The following CTTN variants were observed in gnomAD, a reference collection of about 807,000 sequenced individuals.
CTTN encodes the protein src substrate cortactin.
In CTTN, 28 loss-of-function variants were observed where a neutral mutation model predicts 84.0. The observed-to-expected ratio is 0.33, with a 90% CI of 0.25 to 0.46. The LOEUF (loss-of-function observed/expected upper bound fraction) is 0.46. Among genes scored for constraint, CTTN ranks in the 20% least tolerant of loss-of-function variants. The probability of loss-of-function intolerance (pLI) is 1.00; values close to 1 mark genes in which losing one functional copy is unlikely to be tolerated. For synonymous variants in CTTN, 301 were observed against 288.8 expected (o/e 1.04, Z -0.43); for missense variants, 641 against 723.8 (o/e 0.89, Z 1.31).
chr11:70,407,650 A>C (rs2058057829), intron 4 of CTTN, 59 bp downstream of exon 4: 3 of 1,521,204 alleles, frequency 2.0e-6, no homozygotes, highest in South Asian at 2.2e-5. Context: ...CCCCAGGTGC[A>C]ACAGGGCCCA....
chr11:70,409,332 G>C (rs2058075597), intron 4 of CTTN, among the ~76,000 whole-genome samples: 1 of 152,128 alleles, frequency 6.6e-6, no homozygotes, highest in African/African-American at 2.4e-5. Flanking sequence ...ATGGCATTTA[G>C]ATGTTAAATT....
intron 12 of CTTN, among the ~76,000 whole-genome samples, chr11:70,423,342 C>G (rs1307392118): frequency 3.9e-5 from 6 of 152,216 alleles, no homozygotes; most frequent in Non-Finnish European, 8.8e-5. Flanking sequence ...CAGATTGGAA[C>G]CTGAGTGTGT....
intron 15 of CTTN, among the ~76,000 whole-genome samples, chr11:70,432,100 C>T (rs1355617249): frequency 2.6e-5 from 4 of 152,152 alleles, no homozygotes; most frequent in Admixed American, 1.3e-4. Flanking sequence ...ATCTGGGCCT[C>T]GATGGCCGTG....
chr11:70,404,199 T>G (rs1461200790), intron 1 of CTTN, among the ~76,000 whole-genome samples: 1 of 152,140 alleles, frequency 6.6e-6, no homozygotes, highest in East Asian at 1.9e-4. Context: ...GATAGGAAAT[T>G]AATTAATTAC....
At position 70,436,425 on chromosome 11, in the gene CTTN, T is replaced by G. The variant is rs1479076050; in HGVS notation, c.*1263T>G. 1 of 1,596,074 alleles carries G rather than the reference T, an allele frequency of 6.3e-7. No homozygotes were observed. The highest frequency in any genetic ancestry group is 8.5e-7 in the Non-Finnish European group (1 of 1,178,530). ...TGCCCGTGAAGCGTGTTTTTGCTCC[T>G]GAGGTGCATTTTCTCATCATCCTTG... On this transcript the variant is annotated 3_prime_UTR_variant, in exon 18 of 18. Coordinates refer to ENST00000301843, the MANE Select transcript of CTTN (RefSeq NM_005231.4).
At position 70,422,972 on chromosome 11, in the gene CTTN, G is replaced by C. The variant is rs1448464194; in HGVS notation, c.934G>C (p.Val312Leu). 6.2e-7 allele frequency: 1 copy of C among 1,614,056 alleles called. No homozygotes were observed. The highest frequency in any genetic ancestry group is 1.7e-5 in the Admixed American group (1 of 60,014). Residue 312 changes from valine (V) to leucine (L), a missense_variant, in exon 12 of 18, where the codon GTG (valine) becomes CTG (leucine). Physicochemically the swap from Val to Leu is conservative, Grantham distance 32. Around this residue, in one of 3 missense-constraint regions of CTTN, gnomAD observed 289 missense variants for 273.1 expected, o/e 1.06. Transcript: ENST00000301843. ...CAAAGGATTCGGCGGGAAGTATGGGGTGCAGAAGGATCGGATGGATAAGGT... is the reference window on the plus strand; with the variant it reads ...CAAAGGATTCGGCGGGAAGTATGGGCTGCAGAAGGATCGGATGGATAAGGT... ...YSKGFGGKYG[V>L]QKDRMDKNAS...
intron 1 of CTTN, among the ~76,000 whole-genome samples, chr11:70,403,671 A>C (rs1283410012): frequency 6.6e-6 from 1 of 152,126 alleles, no homozygotes; most frequent in Non-Finnish European, 1.5e-5. Flanking sequence ...ACACCCTTTT[A>C]GGATTTTAGT....
In CTTN at chr11:70,407,601, G is replaced by A. The variant is rs560054370; in HGVS notation, c.161+10G>A. 75 of 1,612,460 alleles carry A rather than the reference G, an allele frequency of 4.7e-5. No individual in the cohort carries two copies. The highest frequency in any genetic ancestry group is 1.3e-4 in the African/African-American group (10 of 75,004). On this transcript the variant is annotated intron_variant, in intron 4 of 17. Transcript: ENST00000301843. ...ACCAGGAGCATATCAAGTAAGAGGC[G>A]TCGCCACCACCCTCCCGAGGGCCCC...
intron 14 of CTTN, 115 bp from the exon 15 acceptor site, chr11:70,431,076 C>G (rs2058348669): frequency 4.6e-6 from 5 of 1,085,684 alleles, no homozygotes; most frequent in Non-Finnish European, 7.0e-6. Flanking sequence ...GGGTGTTTTC[C>G]ACTCCTTTCC....
intron 17 of CTTN, 95 bp from the exon 18 acceptor site, chr11:70,434,931 A>G (rs2058397912): frequency 7.3e-7 from 1 of 1,360,728 alleles, no homozygotes; most frequent in African/African-American, 1.4e-5. Context: ...ATCTCTGAGC[A>G]GGCTGCCTGG....
At chr11:70,426,423 AAAAG>A (rs1251424934) in intron 13 of CTTN, among the ~76,000 whole-genome samples, 18 of 151,838 alleles carry the variant, frequency 1.2e-4, no homozygotes, top group East Asian at 3.9e-4. Context: ...AAAAAAAAAA[AAAAG>A]AGAGAGAGGA....
chr11:70,418,965 C>T (rs1198533079), intron 8 of CTTN, among the ~76,000 whole-genome samples: 4 of 150,908 alleles, frequency 2.7e-5, no homozygotes, highest in South Asian at 2.1e-4. Flanking sequence ...TTAGTAGAGG[C>T]GGGGTTTCAC....
chr11:70,404,671 T>G (rs2058022906), intron 1 of CTTN, among the ~76,000 whole-genome samples: 1 of 152,244 alleles, frequency 6.6e-6, no homozygotes, highest in Non-Finnish European at 1.5e-5. Context: ...AAATGCATAC[T>G]AGCAATTAAG....
intron 8 of CTTN, among the ~76,000 whole-genome samples, chr11:70,419,259 G>A (rs2058200874): frequency 6.6e-6 from 1 of 150,956 alleles, no homozygotes; most frequent in Admixed American, 6.6e-5. Flanking sequence ...TACAGGTGTG[G>A]GCCACCACGC....
In CTTN at chr11:70,407,334, G is replaced by A. The variant is rs557296519; in HGVS notation, c.37G>A (p.Ala13Thr). The A allele has an allele frequency of 5.1e-6, 8 of 1,558,500 alleles. No individual in the cohort carries two copies. The highest frequency in any genetic ancestry group is 4.1e-5 in the African/African-American group (3 of 73,350). The change falls in exon 3 of 18, where the codon GCC (alanine) becomes ACC (threonine). Residue 13 changes from alanine (A) to threonine (T), a missense_variant. Coordinates refer to ENST00000301843, the MANE Select transcript of CTTN (RefSeq NM_005231.4). ...TTCAGCAGGCCACGCTGTGTCCATCGCCCAGGATGACGCGGGGGCCGATGA... is the reference window on the plus strand; with the variant it reads ...TTCAGCAGGCCACGCTGTGTCCATCACCCAGGATGACGCGGGGGCCGATGA... The part of the protein sequence containing the change: ...KASAGHAVSI[A>T]QDDAGADDWE...
Position 70,420,481 on chromosome 11 carries a change from A to G in CTTN, c.761A>G (p.Glu254Gly). ...DKCALGWDHQ[E>G]KLQLHESQKD... is the part of the protein sequence containing the mutation. ...TGTGCCCTTGGCTGGGATCACCAGG[A>G]GAAATTGCAGCTGCATGAATCCCAA... The change falls in exon 10 of 18, where the codon GAG becomes GGG. Residue 254 changes from glutamate (E) to glycine (G), a missense_variant. Transcript: ENST00000301843. The G allele has an allele frequency of 1.2e-6, 2 of 1,614,124 alleles. No homozygotes were observed. Among genetic ancestry groups the G allele is most frequent in the Non-Finnish European group, 1.7e-6 (2 of 1,179,948 alleles).
chr11:70,416,851 G>T, intron 7 of CTTN, 162 bp from the exon 8 acceptor site: 2 of 625,560 alleles, frequency 3.2e-6, no homozygotes, highest in South Asian at 1.8e-5. Context: ...ACAGGGTCCA[G>T]CGTCACCTGT....
chr11:70,404,528 A>G (rs1232817053), intron 1 of CTTN, among the ~76,000 whole-genome samples: 1 of 152,202 alleles, frequency 6.6e-6, no homozygotes, highest in African/African-American at 2.4e-5. Flanking sequence ...CCTCCCGGCC[A>G]TATCATGATC....
chr11:70,422,073 GT>G, intron 11 of CTTN: 1 of 220,164 alleles, frequency 4.5e-6, no homozygotes, highest in Non-Finnish European at 9.2e-6. Flanking sequence ...TTGTGGTGGT[GT>G]TTTTGGCCGG....
Sources: gnomAD v4.1 joint callset for allele counts (sites outside exome capture counted in the v4.1 genomes callset) on GRCh38, gnomAD v4.1.1 for gene constraint, gnomAD v4.1.1 regional missense constraint, MANE v1.5 for transcripts, NCBI Gene and HGNC (gene_info 2026-07-23, HGNC 2026-07-21) for gene names.